The following B3GLCT variants were observed in gnomAD, a reference collection of about 807,000 sequenced individuals.
The protein encoded by B3GLCT is beta 3-glucosyltransferase, also known as beta-1,3-glucosyltransferase.
Under a neutral mutation model 63.4 loss-of-function variants are expected in B3GLCT, and 65 were observed. The observed-to-expected ratio is 1.03, with a 90% CI of 0.84 to 1.26. The LOEUF is 1.26. B3GLCT is among the 50% of genes most tolerant of loss of function. The pLI is 0.00. For missense variants in B3GLCT, 577 were observed against 604.8 expected (o/e 0.95, Z 0.48); for synonymous variants, 233 against 219.2 (o/e 1.06, Z -0.55).
At chr13:31,215,433 C>T (rs142226480) in intron 2 of B3GLCT, among the ~76,000 whole-genome samples, 69 of 151,750 alleles carry the variant, frequency 4.5e-4, no homozygotes, top group African/African-American at 1.4e-3. Context: ...TTCTTTTTTG[C>T]GACGGAGTTT....
intron 12 of B3GLCT, chr13:31,311,776 A>G (rs779271562): frequency 1.3e-5 from 2 of 152,224 alleles, no homozygotes; most frequent in African/African-American, 2.4e-5. Flanking sequence ...CATGAGCTAC[A>G]TGGAGTTCCC....
intron 14 of B3GLCT, among the ~76,000 whole-genome samples, chr13:31,325,950 T>A (rs1875582535): frequency 6.6e-6 from 1 of 152,200 alleles, no homozygotes; most frequent in Non-Finnish European, 1.5e-5. Flanking sequence ...AGAAGGGGAC[T>A]CCAGGGAAAA....
At chr13:31,301,269 T>C (rs888421258) in intron 12 of B3GLCT, among the ~76,000 whole-genome samples, 1 of 152,222 alleles carries the variant, frequency 6.6e-6, no homozygotes, top group Non-Finnish European at 1.5e-5. Context: ...GGAGGTACTC[T>C]GCAGAGGGGG....
At chr13:31,310,320 C>T (rs1012666866) in intron 12 of B3GLCT, among the ~76,000 whole-genome samples, 4 of 152,206 alleles carry the variant, frequency 2.6e-5, no homozygotes, top group African/African-American at 9.6e-5. Context: ...AACCCTCCTC[C>T]ACCTGGCTCA....
Position 31,216,992 on chromosome 13 carries a change from G to A in B3GLCT, c.120+1892G>A, listed in dbSNP as rs542138689. Among the ~76,000 whole-genome samples, 54 of 152,280 alleles carry A rather than the reference G, an allele frequency of 3.5e-4. No homozygotes were observed. The South Asian group carries it at 0.01, about 29-fold the overall frequency. ...AGTAATGAAATTGCTGAGTTGAATG[G>A]TAGTTCTATTTTATGTTGTTTGAAA... On this transcript the variant is annotated intron_variant, in intron 2 of 14. Transcript: ENST00000343307.
At chr13:31,238,921 A>G (rs1870791799) in intron 4 of B3GLCT, among the ~76,000 whole-genome samples, 1 of 152,232 alleles carries the variant, frequency 6.6e-6, no homozygotes, top group Non-Finnish European at 1.5e-5. Flanking sequence ...AGCAATATGT[A>G]AAAAGTTTGA....
chr13:31,317,742 C>G, intron 13 of B3GLCT, 57 bp downstream of exon 13: 1 of 1,608,820 alleles, frequency 6.2e-7, no homozygotes, highest in South Asian at 1.1e-5. Context: ...CCTTTCCACA[C>G]GAGAGGTAGG....
chr13:31,267,501 A>AT (rs1011067785), intron 7 of B3GLCT, among the ~76,000 whole-genome samples: 3 of 152,126 alleles, frequency 2.0e-5, no homozygotes, highest in Admixed American at 6.5e-5. Context: ...CAGGGCAGAC[A>AT]TTTTTTCTCT....
chr13:31,246,945 T>C (rs1871216080), intron 4 of B3GLCT, 78 bp from the exon 5 acceptor site: 3 of 1,050,300 alleles, frequency 2.9e-6, no homozygotes, highest in South Asian at 2.9e-5. Flanking sequence ...TCTTTTCTTT[T>C]CTTTTCTTTT....
chr13:31,288,954 A>T (rs942608207), intron 12 of B3GLCT, among the ~76,000 whole-genome samples: 8 of 152,146 alleles, frequency 5.3e-5, no homozygotes, highest in Admixed American at 2.0e-4. Context: ...AAAGAACCTC[A>T]TTGAGGTACA....
At chr13:31,298,707 A>G (rs1478512296) in intron 12 of B3GLCT, among the ~76,000 whole-genome samples, 1 of 152,206 alleles carries the variant, frequency 6.6e-6, no homozygotes, top group Non-Finnish European at 1.5e-5. Flanking sequence ...TGCAGGCAAC[A>G]ATGCTAGTCT....
At position 31,200,088 on chromosome 13, in the gene B3GLCT, C is replaced by A; in HGVS notation, c.4C>A (p.Arg2=). The part of the protein sequence containing the change: M[R]PPACWWLLAP... ...GCGCTCAGCCTCCGCCGCCAGGATG[C>A]GGCCGCCCGCCTGCTGGTGGCTGCT... The change falls in exon 1 of 15, where the codon CGG becomes AGG. Residue 2 remains arginine (R), a synonymous_variant. Coordinates refer to ENST00000343307, the MANE Select transcript of B3GLCT (RefSeq NM_194318.4). 1 of 1,371,240 alleles carries A rather than the reference C, an allele frequency of 7.3e-7. No homozygotes were observed. The allele number at this position is 1,371,240 out of a possible 1,614,324, so 84.9% of individuals were successfully genotyped here.
At chr13:31,202,192 T>C (rs1868707557) in intron 1 of B3GLCT, among the ~76,000 whole-genome samples, 1 of 152,208 alleles carries the variant, frequency 6.6e-6, no homozygotes, top group South Asian at 2.1e-4. Flanking sequence ...ATAGTTTAGT[T>C]TCCCCACAAA....
At position 31,247,103 on chromosome 13, in the gene B3GLCT, C is replaced by T. The variant is rs9564692; in HGVS notation, c.347+4C>T. The T allele has an allele frequency of 0.33, 537,434 of 1,607,250 alleles. 98,488 individuals carry two copies. The highest frequency in any genetic ancestry group is 0.72 in the East Asian group (32,430 of 44,834). ...CCATACTTCCGTTGTTACCGCAGTA[C>T]GTTTGTTTAACTCACCTGTGAATTA... On this transcript the variant is annotated splice_donor_region_variant and intron_variant, in intron 5 of 14. Transcript: ENST00000343307.
In B3GLCT at chr13:31,317,676, G is replaced by C. The variant is rs1875118679; in HGVS notation, c.1175G>C (p.Gly392Ala). ...ACTGGTGGCTACAGCTACATCACGG[G>C]AGGAGGAGGGTAACTATGATCACAG... ...LGTGGYSYIT[G>A]GGGMVFSREA... Residue 392 changes from glycine (G) to alanine (A), a missense_variant, in exon 13 of 15, where the codon GGA becomes GCA. Coordinates refer to ENST00000343307, the MANE Select transcript of B3GLCT (RefSeq NM_194318.4). The C allele has an allele frequency of 6.2e-7, 1 of 1,613,804 alleles. No homozygotes were observed.
chr13:31,276,425 T>A (rs910773174), intron 9 of B3GLCT, among the ~76,000 whole-genome samples: 2 of 151,668 alleles, frequency 1.3e-5, no homozygotes, highest in African/African-American at 4.8e-5. Context: ...GTGGTTATTA[T>A]TTTTTTTTCT....
intron 4 of B3GLCT, among the ~76,000 whole-genome samples, chr13:31,241,159 A>G (rs939355818): frequency 2.6e-5 from 4 of 152,206 alleles, no homozygotes; most frequent in South Asian, 2.1e-4. Flanking sequence ...GTTGCCCAGC[A>G]TTTGAACCCC....
intron 3 of B3GLCT, among the ~76,000 whole-genome samples, chr13:31,223,639 T>C (rs968172557): frequency 6.6e-6 from 1 of 152,146 alleles, no homozygotes; most frequent in Admixed American, 6.5e-5. Context: ...AAAAAATTAA[T>C]GGGAAGCATG....
intron 6 of B3GLCT, among the ~76,000 whole-genome samples, chr13:31,260,702 G>A (rs936409378): frequency 6.6e-6 from 1 of 152,036 alleles, no homozygotes; most frequent in Non-Finnish European, 1.5e-5. Context: ...GTATAATGAG[G>A]ACTAACATTT....
Sources: gnomAD v4.1 joint callset for allele counts (sites outside exome capture counted in the v4.1 genomes callset) on GRCh38, gnomAD v4.1.1 for gene constraint, MANE v1.5 for transcripts, NCBI Gene and HGNC (gene_info 2026-07-23, HGNC 2026-07-21) for gene names.